ADAMTSL2: variants seen among roughly 807,000 people sequenced by gnomAD.
The protein encoded by ADAMTSL2 is ADAMTS like 2.
Under a neutral mutation model 117.0 loss-of-function variants are expected in ADAMTSL2, and 55 were observed. The observed-to-expected ratio is 0.47, with a 90% confidence interval of 0.38 to 0.59. The LOEUF is 0.59. ADAMTSL2 is among the 20% of genes least tolerant of loss of function. The pLI is 0.00. For missense variants in ADAMTSL2, 1,182 were observed against 1,354.5 expected (o/e 0.87, Z 2.00); for synonymous variants, 572 against 566.4 (o/e 1.01, Z -0.14).
At chr9:133,544,632 C>T (rs1479906940) in intron 8 of ADAMTSL2, 82 bp downstream of exon 8, 3 of 1,193,484 alleles carry the variant, frequency 2.5e-6, no homozygotes, top group Non-Finnish European at 3.8e-6. Context: ...GGCACTTGAC[C>T]CTGGACCCCT....
intron 17 of ADAMTSL2, among the ~76,000 whole-genome samples, 159 bp downstream of exon 17, chr9:133,570,666 C>T (rs1050602923): frequency 7.2e-5 from 11 of 152,206 alleles, no homozygotes; most frequent in African/African-American, 2.2e-4. Flanking sequence ...AACTCCACCA[C>T]GTCAGCTGGT....
intron 7 of ADAMTSL2, among the ~76,000 whole-genome samples, chr9:133,542,666 G>A (rs918184679): frequency 1.3e-5 from 2 of 152,198 alleles, no homozygotes; most frequent in Non-Finnish European, 2.9e-5. Context: ...CAGTCAAAGA[G>A]AGGCTAAATA....
chr9:133,553,733 T>TG (rs1265604521), intron 9 of ADAMTSL2, among the ~76,000 whole-genome samples: 2 of 152,156 alleles, frequency 1.3e-5, no homozygotes, highest in Admixed American at 6.5e-5. Context: ...TGGTTTTGGT[T>TG]GGAATCTCTG....
chr9:133,569,551 C>T lies in ADAMTSL2; in HGVS notation c.2388C>T (p.Ala796=). 6.3e-7 allele frequency: 1 copy of T among 1,589,666 alleles called. No individual in the cohort carries two copies. The highest frequency in any genetic ancestry group is 8.6e-7 in the Non-Finnish European group (1 of 1,167,336). ...CCTGTGGGGACAAAAACTGTCCCGC[C>T]CACTGGCTGGCCCAGGACTGGGAGC... ...IHPCGDKNCP[A]HWLAQDWERC... Residue 796 remains alanine, a synonymous_variant, in exon 16 of 19, where the codon GCC becomes GCT. Coordinates refer to ENST00000651351, the MANE Select transcript of ADAMTSL2 (RefSeq NM_014694.4).
At chr9:133,541,050 C>G in intron 7 of ADAMTSL2, 49 bp downstream of exon 7, 2 of 1,587,952 alleles carry the variant, frequency 1.3e-6, no homozygotes, top group African/African-American at 2.7e-5. Context: ...GTCTGGGAAT[C>G]GGGGGTCCTG....
At chr9:133,561,402 C>T (rs1830725002) in intron 12 of ADAMTSL2, 107 bp downstream of exon 12, 5 of 1,030,154 alleles carry the variant, frequency 4.9e-6, no homozygotes, top group South Asian at 1.4e-5. Context: ...CCAAACTGCC[C>T]TCGGGGTGCT....
chr9:133,539,755 T>C lies in ADAMTSL2; in HGVS notation c.310-16T>C, dbSNP rs1830162421. 7.3e-7 allele frequency: 1 copy of C among 1,369,566 alleles called. No individual in the cohort carries two copies. The allele number at this position is 1,369,566 out of a possible 1,614,324, so 84.8% of individuals were successfully genotyped here. ...CCGAGTTCCTCCCGGAGCCTCCCTGTCCCTTCGCTTCCCAGGAGTGTCCGC... is the reference window on the plus strand; with the variant it reads ...CCGAGTTCCTCCCGGAGCCTCCCTGCCCCTTCGCTTCCCAGGAGTGTCCGC... On this transcript the variant is annotated splice_polypyrimidine_tract_variant and intron_variant, in intron 4 of 18. Coordinates refer to ENST00000651351, the MANE Select transcript of ADAMTSL2 (RefSeq NM_014694.4).
chr9:133,539,645 G>GC, intron 4 of ADAMTSL2, 126 bp from the exon 5 acceptor site: 2 of 76,960 alleles, frequency 2.6e-5, no homozygotes, highest in East Asian at 3.2e-4. Context: ...GTGGGCCGTG[G>GC]CCCCCGCACG....
chr9:133,558,569 T>C lies in ADAMTSL2; in HGVS notation c.1650-2629T>C, dbSNP rs1830659164. 6.6e-6 allele frequency among the ~76,000 whole-genome samples: 1 copy of C among 152,168 alleles called. No homozygotes were observed. Among genetic ancestry groups the C allele is most frequent in the East Asian group, 1.9e-4 (1 of 5,184 alleles). ...AGAACAGAGCACTTTCTGGCTTGTTTATAAACAAACACGGTGGCTTCAGAG... is the reference window on the plus strand; with the variant it reads ...AGAACAGAGCACTTTCTGGCTTGTTCATAAACAAACACGGTGGCTTCAGAG... On this transcript the variant is annotated intron_variant, in intron 11 of 18. Coordinates refer to ENST00000651351, the MANE Select transcript of ADAMTSL2 (RefSeq NM_014694.4). This position sits in a 1 kb window ranked among gnomAD's most constrained non-coding sequence, Gnocchi z 4.3.
At chr9:133,539,919 T>C (rs1044282781) in intron 5 of ADAMTSL2, 46 bp downstream of exon 5, 2 of 1,533,562 alleles carry the variant, frequency 1.3e-6, no homozygotes, top group African/African-American at 1.4e-5. Context: ...CTGACTGAGC[T>C]TTGGGGGTAG....
At chr9:133,551,244 C>T (rs761126584) in intron 9 of ADAMTSL2, among the ~76,000 whole-genome samples, 6 of 152,140 alleles carry the variant, frequency 3.9e-5, no homozygotes, top group Non-Finnish European at 7.3e-5. Flanking sequence ...CATGCCGACC[C>T]ATCTCTGAAT....
intron 17 of ADAMTSL2, among the ~76,000 whole-genome samples, chr9:133,573,368 G>A (rs1260191887): frequency 1.3e-5 from 2 of 152,182 alleles, no homozygotes; most frequent in Non-Finnish European, 2.9e-5. Context: ...GCATTTGATC[G>A]GCCCACAACA....
At position 133,555,634 on chromosome 9, in the gene ADAMTSL2, GTTC is replaced by G. The variant is rs886063641; in HGVS notation, c.1358_1360del (p.Phe453del). 1.3e-4 allele frequency: 203 copies of G among 1,613,622 alleles called. 1 individual carries two copies. Among genetic ancestry groups the G allele is most frequent in the Middle Eastern group, 9.9e-4 (6 of 6,062 alleles). ...TTGACACCCACTTCGCCTCCCAGGAGTTCTTCTCGGCTAACGCCATCTCTGACC... is the reference window on the plus strand; with the variant it reads ...TTGACACCCACTTCGCCTCCCAGGAGTTCTCGGCTAACGCCATCTCTGACC... On this transcript the variant is annotated inframe_deletion, in exon 11 of 19. Transcript: ENST00000651351.
intron 8 of ADAMTSL2, among the ~76,000 whole-genome samples, chr9:133,545,345 C>A (rs543784790): frequency 6.6e-6 from 1 of 152,332 alleles, no homozygotes; most frequent in East Asian, 1.9e-4. Flanking sequence ...TTACTCCCCC[C>A]ACTGCCTCCC....
chr9:133,567,040 G>C lies in ADAMTSL2; in HGVS notation c.1852G>C (p.Ala618Pro). The change falls in exon 13 of 19, where the codon GCT (alanine) becomes CCT (proline). Residue 618 changes from alanine (A) to proline (P), a missense_variant. Physicochemically the swap from Ala to Pro is conservative, Grantham distance 27. Around this residue, in one of 3 missense-constraint regions of ADAMTSL2, gnomAD observed 465 missense variants for 565.3 expected, o/e 0.82. Coordinates refer to ENST00000651351, the MANE Select transcript of ADAMTSL2 (RefSeq NM_014694.4). ...TRPEPVHEFCAGRECQPRWET... is the reference protein window; with the variant it reads ...TRPEPVHEFCPGRECQPRWET... ...TCCCGAGCCTGTCCACGAGTTCTGC[G>C]CTGGGAGGGAGTGCCAGCCCAGGTA... 1 of 1,609,908 alleles carries C rather than the reference G, an allele frequency of 6.2e-7. No homozygotes were observed. The highest frequency in any genetic ancestry group is 8.5e-7 in the Non-Finnish European group (1 of 1,179,624).
intron 12 of ADAMTSL2, among the ~76,000 whole-genome samples, chr9:133,566,438 C>T (rs1830975056): frequency 3.3e-5 from 5 of 152,128 alleles, no homozygotes; most frequent in African/African-American, 1.2e-4. Context: ...GAGGCTCCAT[C>T]TCAAAAAAAG....
upstream of ADAMTSL2, among the ~76,000 whole-genome samples, chr9:133,533,006 G>C (rs1406290431): frequency 6.6e-6 from 1 of 152,190 alleles, no homozygotes; most frequent in South Asian, 2.1e-4. Flanking sequence ...TCACCCTGGC[G>C]CTGGCTGGAT....
At chr9:133,547,501 C>G (rs1365807497) in intron 9 of ADAMTSL2, among the ~76,000 whole-genome samples, 1 of 152,274 alleles carries the variant, frequency 6.6e-6, no homozygotes, top group Non-Finnish European at 1.5e-5. Flanking sequence ...CTGTTCACTT[C>G]TCACTCAACC....
intron 3 of ADAMTSL2, 25 bp downstream of exon 3, chr9:133,537,572 G>T: frequency 7.5e-7 from 1 of 1,338,228 alleles, no homozygotes. Flanking sequence ...ACGTGGCCCT[G>T]AGGGGATGGC....
Sources: gnomAD v4.1 joint callset for allele counts (sites outside exome capture counted in the v4.1 genomes callset) on GRCh38, gnomAD v4.1.1 for gene constraint, gnomAD v4.1.1 regional missense constraint, Gnocchi (gnomAD v3.1) non-coding constraint, MANE v1.5 for transcripts, NCBI Gene and HGNC (gene_info 2026-07-23, HGNC 2026-07-21) for gene names.